The following ADAMTSL3 variants were observed in gnomAD, a reference collection of about 807,000 sequenced individuals.
The protein encoded by ADAMTSL3 is ADAMTS-like protein 3.
In ADAMTSL3, 128 loss-of-function variants were observed where a neutral mutation model predicts 201.7. The ratio of observed to expected loss-of-function variants is 0.63; its 90% confidence interval spans 0.55 to 0.73. The LOEUF is 0.73. ADAMTSL3 is among the 30% of genes least tolerant of loss of function. The pLI is 0.00. For missense variants in ADAMTSL3, 1,990 were observed against 2,119.6 expected (o/e 0.94, Z 1.20); for synonymous variants, 738 against 748.4 (o/e 0.99, Z 0.23).
chr15:83,801,349 A>T (rs1417168504), intron 4 of ADAMTSL3, among the ~76,000 whole-genome samples: 1 of 151,712 alleles, frequency 6.6e-6, no homozygotes, highest in Non-Finnish European at 1.5e-5. Flanking sequence ...TTCTAAATCT[A>T]ATTAGGGATT....
intron 27 of ADAMTSL3, among the ~76,000 whole-genome samples, chr15:84,026,726 C>T (rs2068316821): frequency 6.6e-6 from 1 of 152,026 alleles, no homozygotes; most frequent in South Asian, 2.1e-4. Context: ...TGATGCAGGA[C>T]AACTTCCAAA....
At chr15:83,693,685 C>G (rs1049378997) in intron 2 of ADAMTSL3, among the ~76,000 whole-genome samples, 3 of 152,160 alleles carry the variant, frequency 2.0e-5, no homozygotes, top group African/African-American at 7.2e-5. Flanking sequence ...TTTGGATTTC[C>G]TTTTCCCATA....
chr15:83,834,342 C>G (rs1337625753), intron 6 of ADAMTSL3, among the ~76,000 whole-genome samples: 1 of 152,136 alleles, frequency 6.6e-6, no homozygotes. Context: ...GAAGTGCAGA[C>G]CTTCTGTGGG....
chr15:83,684,459 G>C (rs1281549001), intron 2 of ADAMTSL3, among the ~76,000 whole-genome samples: 1 of 152,084 alleles, frequency 6.6e-6, no homozygotes, highest in African/African-American at 2.4e-5. Context: ...AGCCACTTGG[G>C]AGTCTGAGGG....
intron 4 of ADAMTSL3, among the ~76,000 whole-genome samples, chr15:83,801,651 A>AATATAAAT (rs1555445598): frequency 1.5e-3 from 46 of 31,242 alleles, no homozygotes; most frequent in South Asian, 0.012. Context: ...TATAAATATA[A>AATATAAAT]ATATATATAT....
intron 19 of ADAMTSL3, among the ~76,000 whole-genome samples, chr15:83,952,322 T>A (rs1395225828): frequency 6.6e-6 from 1 of 152,224 alleles, no homozygotes; most frequent in Non-Finnish European, 1.5e-5. Context: ...GAAAAGGTGC[T>A]TGATGTCATT....
intron 7 of ADAMTSL3, among the ~76,000 whole-genome samples, chr15:83,852,503 G>A (rs1173876877): frequency 6.6e-6 from 1 of 152,168 alleles, no homozygotes; most frequent in Non-Finnish European, 1.5e-5. Flanking sequence ...TTCTCTCAGT[G>A]TTACAACAAC....
intron 6 of ADAMTSL3, among the ~76,000 whole-genome samples, chr15:83,821,911 G>A (rs781306579): frequency 1.5e-4 from 22 of 148,562 alleles, no homozygotes; most frequent in East Asian, 4.1e-4. Context: ...GCGGCTGGCC[G>A]GGCAGAGGGG....
In ADAMTSL3 at chr15:83,982,300, T is replaced by A; in HGVS notation, c.2672T>A (p.Leu891His). ...ATCAAATCAGAGATGAAGACAAAACTTGGTGAGCAGGGTCCGCAGATCCTC... is the reference window on the plus strand; with the variant it reads ...ATCAAATCAGAGATGAAGACAAAACATGGTGAGCAGGGTCCGCAGATCCTC... The part of the protein sequence containing the change: ...SKIKSEMKTK[L>H]GEQGPQILSV... Residue 891 changes from leucine to histidine, a missense_variant, in exon 21 of 30, where the codon CTT (leucine) becomes CAT (histidine). Transcript: ENST00000286744. The A allele has an allele frequency of 6.2e-7, 1 of 1,601,708 alleles. No homozygotes were observed. Among genetic ancestry groups the A allele is most frequent in the Non-Finnish European group, 8.5e-7 (1 of 1,172,658 alleles).
At chr15:83,965,865 C>G (rs1277415729) in intron 19 of ADAMTSL3, among the ~76,000 whole-genome samples, 2 of 152,182 alleles carry the variant, frequency 1.3e-5, no homozygotes, top group African/African-American at 4.8e-5. Context: ...AATTAGAACT[C>G]ACGATTAAGA....
chr15:83,735,062 A>G (rs1472230060), intron 3 of ADAMTSL3, among the ~76,000 whole-genome samples: 2 of 152,214 alleles, frequency 1.3e-5, no homozygotes, highest in South Asian at 2.1e-4. Flanking sequence ...CAGCCTCACT[A>G]TGCAAATCTT....
intron 9 of ADAMTSL3, among the ~76,000 whole-genome samples, chr15:83,882,513 A>G (rs2065295500): frequency 6.6e-6 from 1 of 152,150 alleles, no homozygotes; most frequent in Admixed American, 6.5e-5. Flanking sequence ...TTCTGTATTT[A>G]TATTAGTTCT....
chr15:83,769,441 G>A (rs1204905736), intron 3 of ADAMTSL3, among the ~76,000 whole-genome samples: 2 of 152,168 alleles, frequency 1.3e-5, no homozygotes, highest in African/African-American at 2.4e-5. Flanking sequence ...TATAGACAGG[G>A]CACAGTTATG....
chr15:83,884,316 T>C (rs2141866610), intron 9 of ADAMTSL3, among the ~76,000 whole-genome samples: 1 of 151,446 alleles, frequency 6.6e-6, no homozygotes, highest in East Asian at 1.9e-4. Flanking sequence ...ACATATATGT[T>C]ACCTCATTGG....
chr15:83,802,080 AAAG>A (rs1234303547), intron 4 of ADAMTSL3, among the ~76,000 whole-genome samples: 1 of 152,136 alleles, frequency 6.6e-6, no homozygotes, highest in Non-Finnish European at 1.5e-5. Context: ...CTTTGAGGAA[AAAG>A]AAGTAACATC....
chr15:83,791,423 T>C (rs559341422), intron 4 of ADAMTSL3, among the ~76,000 whole-genome samples: 1 of 152,216 alleles, frequency 6.6e-6, no homozygotes, highest in South Asian at 2.1e-4. Context: ...AGCTCTGAAA[T>C]AAGTCCACAC....
chr15:83,862,212 T>A (rs2141791999), intron 8 of ADAMTSL3: 1 of 152,268 alleles, frequency 6.6e-6, no homozygotes, highest in East Asian at 1.9e-4. Context: ...ATTATCCAGG[T>A]GAACTTCCCC....
At chr15:83,828,081 G>A (rs1055150064) in intron 6 of ADAMTSL3, among the ~76,000 whole-genome samples, 8 of 152,176 alleles carry the variant, frequency 5.3e-5, no homozygotes, top group African/African-American at 1.9e-4. Flanking sequence ...TTGGTGGCTT[G>A]ATGGGGATGG....
At chr15:83,917,793 G>A (rs1359663758) in intron 16 of ADAMTSL3, among the ~76,000 whole-genome samples, 12 of 151,878 alleles carry the variant, frequency 7.9e-5, no homozygotes, top group Admixed American at 7.2e-4. Flanking sequence ...GTAGAGTTGT[G>A]GTTTATTTTG....
Sources: gnomAD v4.1 joint callset for allele counts (sites outside exome capture counted in the v4.1 genomes callset) on GRCh38, gnomAD v4.1.1 for gene constraint, MANE v1.5 for transcripts, NCBI Gene and HGNC (gene_info 2026-07-23, HGNC 2026-07-21) for gene names.